Variants in STAG2 observed in about 807,000 individuals in gnomAD.
STAG2 encodes STAG2 cohesin complex component, also known as cohesin subunit SA-2.
Under a neutral mutation model 108.1 loss-of-function variants are expected in STAG2, and 14 were observed. That is an observed-to-expected ratio of 0.13 (90% CI 0.09 to 0.20). STAG2 has a LOEUF of 0.20. STAG2 is among the 10% of genes least tolerant of loss of function. STAG2 has a pLI of 1.00. For missense variants in STAG2, 440 were observed against 940.9 expected (o/e 0.47, Z 6.96); for synonymous variants, 307 against 302.7 (o/e 1.01, Z -0.15).
intron 5 of STAG2, among the ~76,000 whole-genome samples, chrX:124,033,450 G>A (rs1045709912): frequency 9.0e-6 from 1 of 111,450 alleles, no homozygotes; most frequent in Non-Finnish European, 1.9e-5. Context: ...CAGTGTCTTA[G>A]TCCATTTGGG....
chrX:124,056,320 A>G, intron 14 of STAG2, 85 bp downstream of exon 14: 2 of 524,858 alleles, frequency 3.8e-6, no homozygotes, highest in East Asian at 4.1e-5. Context: ...TTAAGATTAT[A>G]TATATATAAC....
chrX:124,022,098 C>T (rs2056947692), intron 2 of STAG2, among the ~76,000 whole-genome samples: 2 of 111,383 alleles, frequency 1.8e-5, no homozygotes, highest in South Asian at 3.7e-4. Context: ...AGGTCAGGCA[C>T]GGTGGCTCAT....
intron 24 of STAG2, among the ~76,000 whole-genome samples, chrX:124,069,934 G>T (rs2058626207): frequency 9.0e-6 from 1 of 111,369 alleles, no homozygotes; most frequent in African/African-American, 3.3e-5. Flanking sequence ...CCTAATGCAC[G>T]AAATATTACT....
At chrX:123,997,921 G>A (rs1946092508) in intron 1 of STAG2, among the ~76,000 whole-genome samples, 1 of 112,310 alleles carries the variant, frequency 8.9e-6, no homozygotes, top group African/African-American at 3.2e-5. Flanking sequence ...GATCACAGGC[G>A]TGAGCCACTG....
At chrX:124,059,286 C>G (rs1167487429) in intron 15 of STAG2, among the ~76,000 whole-genome samples, 1 of 112,509 alleles carries the variant, frequency 8.9e-6, no homozygotes, top group Non-Finnish European at 1.9e-5. Context: ...TGCTGCACTC[C>G]AGCTTGGGTG....
At chrX:124,077,196 A>G (rs938087295) in intron 26 of STAG2, among the ~76,000 whole-genome samples, 2 of 111,286 alleles carry the variant, frequency 1.8e-5, no homozygotes, top group South Asian at 3.7e-4. Context: ...CTTGAACTCT[A>G]ATATCATTGA....
chrX:124,051,409 G>A lies in STAG2; in HGVS notation c.1196+15G>A. On this transcript the variant is annotated intron_variant, in intron 13 of 34. Transcript: ENST00000371145. ...CTTGTTTTACAGTAAGTATGTATTT[G>A]TTGCATATTTGCACTAATGTTCAGA... The A allele has an allele frequency of 8.9e-7, 1 of 1,125,922 alleles. No individual in the cohort carries two copies. Among genetic ancestry groups the A allele is most frequent in the Non-Finnish European group, 1.2e-6 (1 of 828,124 alleles). The allele number at this position is 1,125,922 out of a possible 1,213,427, so 92.8% of individuals were successfully genotyped here. A position where few individuals can be genotyped will look rare whatever the true frequency, so the allele number is the denominator to read the frequency against.
intron 8 of STAG2, 109 bp from the exon 9 acceptor site, chrX:124,047,245 G>T: frequency 1.6e-6 from 1 of 607,451 alleles, no homozygotes; most frequent in Non-Finnish European, 2.5e-6. Context: ...TCTTTCTTTT[G>T]TTAGAAGCAG....
chrX:124,032,115 C>T (rs1320497155), intron 5 of STAG2, among the ~76,000 whole-genome samples: 4 of 111,838 alleles, frequency 3.6e-5, no homozygotes, highest in African/African-American at 9.8e-5. Flanking sequence ...TATGAGGTCT[C>T]AATTTTCCCT....
Position 124,064,360 on chromosome X carries a change from G to C in STAG2, c.2025+309G>C, listed in dbSNP as rs778375362. Among the ~76,000 whole-genome samples, 4 of 111,269 alleles carry C rather than the reference G, an allele frequency of 3.6e-5. 1 individual carries two copies. Among genetic ancestry groups the C allele is most frequent in the Non-Finnish European group, 5.7e-5 (3 of 53,056 alleles). ...ATAGGGTGTTAATGGAACAGAAAAGGAGAGCTAGATTTAGACTAGGTAGCC... is the reference window on the plus strand; with the variant it reads ...ATAGGGTGTTAATGGAACAGAAAAGCAGAGCTAGATTTAGACTAGGTAGCC... On this transcript the variant is annotated intron_variant, in intron 20 of 34. Coordinates refer to ENST00000371145, the MANE Select transcript of STAG2 (RefSeq NM_001042750.2).
At position 124,095,391 on chromosome X, in the gene STAG2, G is replaced by A. The variant is rs1569521908; in HGVS notation, c.3725G>A (p.Arg1242Gln). 3 of 1,208,491 alleles carry A rather than the reference G, an allele frequency of 2.5e-6. No homozygotes were observed. The highest frequency in any genetic ancestry group is 1.7e-5 in the African/African-American group (1 of 57,207). Reference protein sequence around the residue: ...DIDLPPSKNRRERTELKPDFF... With the variant: ...DIDLPPSKNRQERTELKPDFF... Reference sequence around the variant, plus strand: ...CTTTAGCCACCATCAAAGAACAGACGAGAGAGAACAGAACTGAAGCCTGAT... The same window carrying A: ...CTTTAGCCACCATCAAAGAACAGACAAGAGAGAACAGAACTGAAGCCTGAT... The change falls in exon 34 of 35, where the codon CGA becomes CAA. Residue 1242 changes from arginine to glutamine, a missense_variant. Physicochemically the swap from Arg to Gln is conservative, Grantham distance 43. This residue lies in a region of STAG2 where 337 missense variants were observed against 649.3 expected (regional missense o/e 0.52). Coordinates refer to ENST00000371145, the MANE Select transcript of STAG2 (RefSeq NM_001042750.2).
intron 6 of STAG2, among the ~76,000 whole-genome samples, chrX:124,039,519 C>G (rs1168329182): frequency 1.8e-5 from 2 of 110,110 alleles, no homozygotes; most frequent in Non-Finnish European, 3.8e-5. Flanking sequence ...TAAACTCAGG[C>G]AGTTGTCCCA....
chrX:124,014,282 G>T (rs1407457719), intron 1 of STAG2, among the ~76,000 whole-genome samples: 1 of 111,836 alleles, frequency 8.9e-6, no homozygotes, highest in African/African-American at 3.3e-5. Flanking sequence ...GTGGCCTTAG[G>T]CCTGTTCAGT....
chrX:124,009,421 AGGTAGGTAGGTAGG>A, intron 1 of STAG2, among the ~76,000 whole-genome samples: 1 of 82,863 alleles, frequency 1.2e-5, no homozygotes, highest in African/African-American at 3.9e-5. Flanking sequence ...GTAGGTAGGT[AGGTAGGTAGGTAGG>A]TAGGTAGGTA....
At position 124,080,472 on chromosome X, in the gene STAG2, G is replaced by A. The variant is rs111526603; in HGVS notation, c.2776-908G>A. 5.0e-3 allele frequency among the ~76,000 whole-genome samples: 557 copies of A among 111,113 alleles called. 2 individuals are homozygous for A. The highest frequency in any genetic ancestry group is 0.017 in the African/African-American group (520 of 30,559). On this transcript the variant is annotated intron_variant, in intron 27 of 34. Transcript: ENST00000371145. ...TGGGAGACTGAGGCGGGCAGATCAC[G>A]AGGTCAGGAGTTCGAAAGCAGCCTG...
At chrX:123,960,695 C>G (rs1197652786), upstream of STAG2, 3 of 101,878 alleles carry the variant, frequency 2.9e-5, no homozygotes, top group Admixed American at 3.2e-4. Flanking sequence ...CCCCACCGCT[C>G]TAGAACCGCG....
At chrX:124,041,885 T>A (rs1221698739) in intron 6 of STAG2, among the ~76,000 whole-genome samples, 1 of 112,187 alleles carries the variant, frequency 8.9e-6, no homozygotes. Context: ...TTCTAACTTA[T>A]AACATGTGTG....
chrX:123,998,079 A>G (rs927013674), intron 1 of STAG2, among the ~76,000 whole-genome samples: 1 of 111,419 alleles, frequency 9.0e-6, no homozygotes, highest in African/African-American at 3.3e-5. Flanking sequence ...ACATGGGTAC[A>G]TAAATGTCTT....
intron 1 of STAG2, among the ~76,000 whole-genome samples, chrX:124,000,863 A>G (rs770573582): frequency 9.0e-6 from 1 of 111,342 alleles, no homozygotes; most frequent in Non-Finnish European, 1.9e-5. Context: ...ATGTAGGCCT[A>G]GGCTAATGTA....
Sources: gnomAD v4.1 joint callset for allele counts (sites outside exome capture counted in the v4.1 genomes callset) on GRCh38, gnomAD v4.1.1 for gene constraint, gnomAD v4.1.1 regional missense constraint, MANE v1.5 for transcripts, NCBI Gene and HGNC (gene_info 2026-07-23, HGNC 2026-07-21) for gene names.